UST: variants seen among roughly 807,000 people sequenced by gnomAD.
UST encodes chondroitin sulfate 2-O-sulfotransferase.
Under a neutral mutation model 45.6 loss-of-function variants are expected in UST, and 21 were observed. The observed-to-expected ratio is 0.46, with a 90% CI of 0.33 to 0.66. The LOEUF (loss-of-function observed/expected upper bound fraction) is 0.66. Ranked by LOEUF, UST falls within the 30% of genes least tolerant of loss-of-function variation. The pLI, the probability that UST is intolerant of heterozygous loss-of-function variation, is 0.02. For missense variants in UST, 463 were observed against 512.4 expected (o/e 0.90, Z 0.93); for synonymous variants, 215 against 200.6 (o/e 1.07, Z -0.61).
intron 1 of UST, among the ~76,000 whole-genome samples, chr6:148,830,900 T>C (rs1257657590): frequency 6.6e-6 from 1 of 152,098 alleles, no homozygotes. Context: ...CTGCACAACA[T>C]TGTGAATGTA....
chr6:148,903,927 G>T (rs541060718), intron 2 of UST, among the ~76,000 whole-genome samples: 1 of 152,328 alleles, frequency 6.6e-6, no homozygotes, highest in Non-Finnish European at 1.5e-5. Context: ...CTATGTCAGA[G>T]AGTTTCTATG....
chr6:148,866,678 C>G (rs995158511), intron 1 of UST, among the ~76,000 whole-genome samples: 1 of 152,208 alleles, frequency 6.6e-6, no homozygotes. Flanking sequence ...ACTTCATTCT[C>G]TCTTTCCAGC....
chr6:148,886,967 T>A lies in UST; in HGVS notation c.248-19T>A, dbSNP rs1204001891. 1.2e-6 allele frequency: 2 copies of A among 1,607,990 alleles called. No homozygotes were observed. The highest frequency in any genetic ancestry group is 1.3e-5 in the African/African-American group (1 of 74,738). On this transcript the variant is annotated intron_variant, in intron 1 of 7. Coordinates refer to ENST00000367463, the MANE Select transcript of UST (RefSeq NM_005715.3). ...GGATTTAAAAAACGGATTCATCAAC[T>A]TTTTCCTTTATTTTCTAGGAAATTC... is the stretch of plus-strand genomic sequence containing the variant.
At chr6:149,049,931 T>TCTCTCACA (rs1475301439) in intron 7 of UST, among the ~76,000 whole-genome samples, 2 of 134,476 alleles carry the variant, frequency 1.5e-5, no homozygotes, top group East Asian at 4.3e-4. Flanking sequence ...TCTCTCTCTC[T>TCTCTCACA]CACACACACA....
chr6:148,900,517 G>A (rs147284799), intron 2 of UST, among the ~76,000 whole-genome samples: 2,259 of 152,310 alleles, frequency 0.015, 58 homozygotes, highest in African/African-American at 0.048. Flanking sequence ...CTGCCACCAT[G>A]TGAGATGTGC....
chr6:148,936,107 C>T (rs1338000010), intron 2 of UST, among the ~76,000 whole-genome samples: 1 of 152,152 alleles, frequency 6.6e-6, no homozygotes, highest in Non-Finnish European at 1.5e-5. Context: ...GAGAGCTGGG[C>T]TTTCGTGGTT....
At chr6:148,821,336 G>C (rs1473493406) in intron 1 of UST, among the ~76,000 whole-genome samples, 2 of 152,050 alleles carry the variant, frequency 1.3e-5, no homozygotes, top group African/African-American at 4.8e-5. Flanking sequence ...ATTTGGTAGT[G>C]TTGGATGTTT....
At chr6:148,995,565 A>G (rs1295531483) in intron 5 of UST, among the ~76,000 whole-genome samples, 1 of 152,234 alleles carries the variant, frequency 6.6e-6, no homozygotes, top group Non-Finnish European at 1.5e-5. Flanking sequence ...AGGTTATAAA[A>G]TCTTATTTTG....
At chr6:148,789,989 C>CT (rs56987468) in intron 1 of UST, among the ~76,000 whole-genome samples, 46,451 of 126,816 alleles carry the variant, frequency 0.37, 9,144 homozygotes, top group Non-Finnish European at 0.46. Flanking sequence ...TTTCAGGATT[C>CT]TTTTTTTTTT....
At chr6:149,009,812 A>C in intron 5 of UST, among the ~76,000 whole-genome samples, 1 of 149,520 alleles carries the variant, frequency 6.7e-6, no homozygotes. Flanking sequence ...CTTTCATTAT[A>C]CCTTTTGTCT....
At chr6:148,972,711 C>T (rs144988623) in intron 5 of UST, among the ~76,000 whole-genome samples, 52 of 152,378 alleles carry the variant, frequency 3.4e-4, no homozygotes, top group African/African-American at 1.2e-3. Flanking sequence ...GCAGCTGTGT[C>T]CCGCCGCTGG....
At chr6:148,964,078 C>T (rs888355261) in intron 4 of UST, among the ~76,000 whole-genome samples, 2 of 152,172 alleles carry the variant, frequency 1.3e-5, no homozygotes, top group African/African-American at 4.8e-5. Context: ...ACAGAGTGGC[C>T]CCCATCCTCA....
intron 5 of UST, chr6:149,005,285 C>T (rs1781625743): frequency 1.0e-6 from 1 of 985,282 alleles, no homozygotes; most frequent in African/African-American, 1.7e-5. Flanking sequence ...TCCTTACATC[C>T]CTCTCTTCTG....
intron 1 of UST, among the ~76,000 whole-genome samples, chr6:148,754,326 A>G (rs745394804): frequency 4.6e-5 from 7 of 152,012 alleles, no homozygotes; most frequent in Non-Finnish European, 8.8e-5. Flanking sequence ...TTATTTCCAT[A>G]GGTTTTAGGG....
chr6:148,971,764 T>G (rs563772441), intron 5 of UST, among the ~76,000 whole-genome samples: 1 of 152,194 alleles, frequency 6.6e-6, no homozygotes, highest in Non-Finnish European at 1.5e-5. Context: ...CCAGACCATC[T>G]TAAAGATCCC....
rs1776150729 is a variant in UST, at chr6:148,759,004, G to A, written c.247+11327G>A. Reference sequence around the variant, plus strand: ...GCTGGATGGAGGGGGCACTAGGCCTGGGTGTGCAGGGTGACCCGACAATAA... The same window carrying A: ...GCTGGATGGAGGGGGCACTAGGCCTAGGTGTGCAGGGTGACCCGACAATAA... On this transcript the variant is annotated intron_variant, in intron 1 of 7. Transcript: ENST00000367463. Among the ~76,000 whole-genome samples, 2 of 152,192 alleles carry A rather than the reference G, an allele frequency of 1.3e-5. 1 individual carries two copies. The highest frequency in any genetic ancestry group is 4.1e-4 in the South Asian group (2 of 4,828).
chr6:149,012,762 C>G (rs1407998800), intron 5 of UST, among the ~76,000 whole-genome samples: 1 of 144,754 alleles, frequency 6.9e-6, no homozygotes, highest in East Asian at 2.0e-4. Context: ...CTGTATTTTT[C>G]TTCCTCTCTG....
chr6:148,917,398 C>G (rs1467580095), intron 2 of UST, among the ~76,000 whole-genome samples: 1 of 152,168 alleles, frequency 6.6e-6, no homozygotes, highest in Non-Finnish European at 1.5e-5. Context: ...CTTGAACTCA[C>G]AAAAGCTGAA....
intron 2 of UST, among the ~76,000 whole-genome samples, chr6:148,913,421 A>ATTTTTTTT (rs767723701): frequency 1.5e-5 from 1 of 66,216 alleles, no homozygotes; most frequent in Non-Finnish European, 3.1e-5. Context: ...GGGACCAAAA[A>ATTTTTTTT]TCTTTTTTTT....
Sources: gnomAD v4.1 joint callset for allele counts (sites outside exome capture counted in the v4.1 genomes callset) on GRCh38, gnomAD v4.1.1 for gene constraint, MANE v1.5 for transcripts, NCBI Gene and HGNC (gene_info 2026-07-23, HGNC 2026-07-21) for gene names.